Variants in SLC4A5 observed in about 807,000 individuals in gnomAD.
SLC4A5 encodes the protein solute carrier family 4 member 5, also known as electrogenic sodium bicarbonate cotransporter 4.
In SLC4A5, 96 loss-of-function variants were observed where a neutral mutation model predicts 120.4. The ratio of observed to expected loss-of-function variants is 0.80; its 90% CI spans 0.68 to 0.94. SLC4A5 has a LOEUF of 0.94. Among genes scored for constraint, SLC4A5 ranks in the 40% least tolerant of loss-of-function variants. SLC4A5 has a pLI of 0.00. For synonymous variants in SLC4A5, 550 were observed against 571.1 expected, an observed-to-expected ratio of 0.96 and a Z score of 0.53; for missense variants, 1,259 against 1,459.5, an observed-to-expected ratio of 0.86 and a Z score of 2.24.
intron 6 of SLC4A5, among the ~76,000 whole-genome samples, chr2:74,314,629 T>C (rs1401312092): frequency 6.6e-6 from 1 of 152,240 alleles, no homozygotes; most frequent in East Asian, 1.9e-4. Flanking sequence ...TGGGAATCTA[T>C]TAATATAAAA....
intron 8 of SLC4A5, among the ~76,000 whole-genome samples, chr2:74,280,280 A>C (rs1671771978): frequency 6.6e-6 from 1 of 151,926 alleles, no homozygotes; most frequent in Non-Finnish European, 1.5e-5. Flanking sequence ...TTCAGGTCTC[A>C]ATGTGAACAT....
chr2:74,247,292 G>A (rs1034317279), exon 19 of SLC4A5: 4 of 1,612,936 alleles, frequency 2.5e-6, no homozygotes, highest in African/African-American at 1.3e-5. Context: ...ACTCCATGTA[G>A]TCCAGGCCAT....
At chr2:74,249,488 A>T (rs1670723579) in intron 17 of SLC4A5, among the ~76,000 whole-genome samples, 1 of 152,114 alleles carries the variant, frequency 6.6e-6, no homozygotes, top group Non-Finnish European at 1.5e-5. Flanking sequence ...ATGGTTGGGG[A>T]GGGTAGGAAT....
At chr2:74,254,249 T>C in intron 14 of SLC4A5, among the ~76,000 whole-genome samples, 1 of 152,070 alleles carries the variant, frequency 6.6e-6, no homozygotes, top group East Asian at 1.9e-4. Flanking sequence ...TCAAACCACC[T>C]CCATCCAGCT....
intron 3 of SLC4A5, among the ~76,000 whole-genome samples, chr2:74,334,629 T>C (rs1383090996): frequency 1.3e-5 from 2 of 152,214 alleles, no homozygotes; most frequent in South Asian, 2.1e-4. Flanking sequence ...GGCAGAAAGT[T>C]TGTCTTATTC....
At chr2:74,332,357 T>A (rs186596537) in intron 4 of SLC4A5, among the ~76,000 whole-genome samples, 1 of 152,288 alleles carries the variant, frequency 6.6e-6, no homozygotes, top group East Asian at 1.9e-4. Flanking sequence ...TGGTCAGATG[T>A]TGGGACTCTT....
intron 8 of SLC4A5, among the ~76,000 whole-genome samples, chr2:74,277,283 C>T (rs985706069): frequency 6.6e-6 from 1 of 152,214 alleles, no homozygotes; most frequent in African/African-American, 2.4e-5. Flanking sequence ...GGAGCAGTGG[C>T]TCACGCCTGT....
At chr2:74,303,049 T>C (rs1025826993) in intron 7 of SLC4A5, among the ~76,000 whole-genome samples, 5 of 148,696 alleles carry the variant, frequency 3.4e-5, no homozygotes, top group Non-Finnish European at 7.4e-5. Flanking sequence ...TGTGTGTGCA[T>C]GTGGAAGTGT....
At position 74,284,402 on chromosome 2, in the gene SLC4A5, G is replaced by A. The variant is rs576221014; in HGVS notation, c.401+1371C>T. On this transcript the variant is annotated intron_variant, in intron 8 of 30. Coordinates refer to ENST00000394019, the Ensembl canonical transcript of SLC4A5. ...TCACCTTGTTAGCCAGGATGGTCTC[G>A]ATCTCCTGACCTCATGATCCACCCG... 5.0e-4 allele frequency among the ~76,000 whole-genome samples: 37 copies of A among 73,340 alleles called. 6 individuals carry two copies. The highest frequency in any genetic ancestry group is 1.4e-3 in the African/African-American group (7 of 5,102). The allele number at this position is 73,340 out of a possible 152,430, so 48.1% of individuals were successfully genotyped here. A position where few individuals can be genotyped will look rare whatever the true frequency, so the allele number is the denominator to read the frequency against.
chr2:74,228,311 G>A (rs1385029838), intron 25 of SLC4A5, among the ~76,000 whole-genome samples: 2 of 152,144 alleles, frequency 1.3e-5, no homozygotes, highest in Admixed American at 6.5e-5. Context: ...CATCAGCAGC[G>A]AGTACCCGGG....
Position 74,222,457 on chromosome 2 carries a change from C to A in SLC4A5, c.3331+411G>T, listed in dbSNP as rs112282244. Among the ~76,000 whole-genome samples the A allele has an allele frequency of 1.2e-3, 176 of 152,270 alleles. 2 individuals are homozygous for A. The highest frequency in any genetic ancestry group is 3.9e-3 in the African/African-American group (163 of 41,542). ...ACAAAGGTCTTCTAGCGCAGGGGTCCTCAGCTCCCAGGCCATGGAACAGTA... is the reference window on the plus strand; with the variant it reads ...ACAAAGGTCTTCTAGCGCAGGGGTCATCAGCTCCCAGGCCATGGAACAGTA... On this transcript the variant is annotated intron_variant, in intron 29 of 30. Transcript: ENST00000394019.
intron 30 of SLC4A5, among the ~76,000 whole-genome samples, chr2:74,221,011 T>G (rs1694623492): frequency 1.3e-5 from 2 of 150,812 alleles, no homozygotes; most frequent in Non-Finnish European, 3.0e-5. Flanking sequence ...CAGCTAATTT[T>G]TTTGTATTTT....
intron 19 of SLC4A5, among the ~76,000 whole-genome samples, chr2:74,246,104 G>A (rs1432560846): frequency 6.6e-6 from 1 of 152,278 alleles, no homozygotes; most frequent in African/African-American, 2.4e-5. Flanking sequence ...AAGCTCTTAG[G>A]GGCATGATCA....
intron 29 of SLC4A5, 57 bp downstream of exon 29, chr2:74,222,811 G>A (rs375595937): frequency 5.6e-5 from 81 of 1,448,770 alleles, no homozygotes; most frequent in Non-Finnish European, 7.2e-5. Flanking sequence ...AAGTTCCTAG[G>A]GGAAAGACAT....
chr2:74,250,571 G>A lies in SLC4A5; in HGVS notation c.1479-54C>T, dbSNP rs966076446. ...TCTCACCACTAACACCAGTGCAGGG[G>A]CAGGGCTATTTACAAGAACTTGCAG... On this transcript the variant is annotated intron_variant, in intron 16 of 30. Coordinates refer to ENST00000394019, the Ensembl canonical transcript of SLC4A5. The A allele has an allele frequency of 5.0e-6, 8 of 1,597,830 alleles. No homozygotes were observed. In the African/African-American group the frequency reaches 5.4e-5, roughly 11 times the overall value.
intron 30 of SLC4A5, among the ~76,000 whole-genome samples, chr2:74,219,366 G>A (rs1694551148): frequency 2.0e-5 from 3 of 152,048 alleles, no homozygotes; most frequent in South Asian, 4.2e-4. Flanking sequence ...TGTGTACTCC[G>A]ATATTCTTGC....
In SLC4A5 at chr2:74,227,795, G is replaced by T. The variant is rs778618391; in HGVS notation, c.2916+15C>A. The T allele has an allele frequency of 3.1e-6, 5 of 1,599,974 alleles. No individual in the cohort carries two copies. The highest frequency in any genetic ancestry group is 1.7e-5 in the Admixed American group (1 of 57,616). On this transcript the variant is annotated intron_variant, in intron 26 of 30. Coordinates refer to ENST00000394019, the Ensembl canonical transcript of SLC4A5. ...TGACTCCAGATCATGAAGGGATCTGGAGGGAAAGCCTTACCTGGATGCCAT... is the reference window on the plus strand; with the variant it reads ...TGACTCCAGATCATGAAGGGATCTGTAGGGAAAGCCTTACCTGGATGCCAT...
chr2:74,226,473 C>A (rs188270212), intron 27 of SLC4A5, among the ~76,000 whole-genome samples: 1 of 152,202 alleles, frequency 6.6e-6, no homozygotes, highest in African/African-American at 2.4e-5. Context: ...TTCCCTTGCT[C>A]AAGCTTTATA....
exon 23 of SLC4A5, chr2:74,233,501 G>A: frequency 1.9e-6 from 3 of 1,614,106 alleles, no homozygotes; most frequent in Non-Finnish European, 2.5e-6. Flanking sequence ...TGCTTGCTGG[G>A]TATACCCACC....
Sources: gnomAD v4.1 joint callset for allele counts (sites outside exome capture counted in the v4.1 genomes callset) on GRCh38, gnomAD v4.1.1 for gene constraint, MANE v1.5 for transcripts, NCBI Gene and HGNC (gene_info 2026-07-23, HGNC 2026-07-21) for gene names.